Variants in MMP16 observed in about 807,000 individuals in gnomAD.
MMP16 encodes matrix metallopeptidase 16.
MMP16 carries 12 observed loss-of-function variants against 67.8 expected under a neutral mutation model. That is an observed-to-expected ratio of 0.18 (90% CI 0.11 to 0.29). The LOEUF is 0.29. Ranked by LOEUF, MMP16 falls within the 10% of genes least tolerant of loss-of-function variation. The pLI, the probability that MMP16 is intolerant of heterozygous loss-of-function variation, is 1.00. For missense variants in MMP16, 475 were observed against 765.7 expected (o/e 0.62, Z 4.48); for synonymous variants, 249 against 255.9 (o/e 0.97, Z 0.26).
At chr8:88,224,720 G>T (rs1809740778) in intron 1 of MMP16, among the ~76,000 whole-genome samples, 1 of 151,822 alleles carries the variant, frequency 6.6e-6, no homozygotes, top group African/African-American at 2.4e-5. Context: ...TTTAATGGGA[G>T]ATCTGTGGAA....
chr8:88,217,900 T>C (rs1240435480), intron 1 of MMP16, among the ~76,000 whole-genome samples: 1 of 152,096 alleles, frequency 6.6e-6, no homozygotes, highest in Non-Finnish European at 1.5e-5. Context: ...GTAATGCATA[T>C]GTCTGTGTGA....
intron 6 of MMP16, among the ~76,000 whole-genome samples, chr8:88,079,753 C>T (rs571348413): frequency 3.3e-5 from 5 of 152,078 alleles, no homozygotes; most frequent in Non-Finnish European, 7.4e-5. Flanking sequence ...GAAGGCAGAA[C>T]CCAAATAAAT....
At chr8:88,216,518 CAA>C (rs1477888932) in intron 1 of MMP16, among the ~76,000 whole-genome samples, 5 of 152,080 alleles carry the variant, frequency 3.3e-5, no homozygotes, top group African/African-American at 1.2e-4. Flanking sequence ...TTTTTCATAG[CAA>C]AAGAGTCCAT....
At chr8:88,290,403 A>G (rs1195754631) in intron 1 of MMP16, among the ~76,000 whole-genome samples, 1 of 152,068 alleles carries the variant, frequency 6.6e-6, no homozygotes, top group Non-Finnish European at 1.5e-5. Flanking sequence ...AATACAAAAA[A>G]TTAGCAGGGC....
intron 4 of MMP16, among the ~76,000 whole-genome samples, chr8:88,136,352 C>A (rs1808118774): frequency 6.6e-6 from 1 of 151,780 alleles, no homozygotes; most frequent in Admixed American, 6.6e-5. Flanking sequence ...CCATGTCTTT[C>A]TCAATTTAAT....
At chr8:88,178,022 G>C (rs1447012135) in intron 3 of MMP16, among the ~76,000 whole-genome samples, 4 of 150,582 alleles carry the variant, frequency 2.7e-5, no homozygotes, top group Non-Finnish European at 4.4e-5. Context: ...AAAAAAAAAA[G>C]AACTCTAGAA....
chr8:88,080,586 C>G (rs770956505), intron 6 of MMP16, among the ~76,000 whole-genome samples: 6 of 152,094 alleles, frequency 3.9e-5, no homozygotes, highest in Non-Finnish European at 8.8e-5. Context: ...CAGGCATCTG[C>G]CACCACGCCC....
chr8:88,087,962 CAAAA>C (rs1482610695), intron 6 of MMP16, among the ~76,000 whole-genome samples: 2 of 137,766 alleles, frequency 1.5e-5, no homozygotes, highest in Admixed American at 1.5e-4. Flanking sequence ...ACCAAACAAA[CAAAA>C]AAATGTACAT....
chr8:88,144,310 A>C (rs1401127438), intron 4 of MMP16, among the ~76,000 whole-genome samples: 2 of 152,060 alleles, frequency 1.3e-5, no homozygotes, highest in East Asian at 3.9e-4. Flanking sequence ...TGGCTATAAA[A>C]AATCAGGCAG....
At chr8:88,149,291 C>A (rs1323050879) in intron 4 of MMP16, among the ~76,000 whole-genome samples, 1 of 152,202 alleles carries the variant, frequency 6.6e-6, no homozygotes, top group South Asian at 2.1e-4. Flanking sequence ...GTGAGGGGCG[C>A]CCGCCATTGC....
intron 3 of MMP16, among the ~76,000 whole-genome samples, chr8:88,173,815 A>G (rs1320711533): frequency 6.6e-6 from 1 of 152,174 alleles, no homozygotes; most frequent in Non-Finnish European, 1.5e-5. Context: ...CCTCCAGGAA[A>G]CCTTCCTTAC....
At chr8:88,229,569 A>G (rs1206432592) in intron 1 of MMP16, among the ~76,000 whole-genome samples, 1 of 152,112 alleles carries the variant, frequency 6.6e-6, no homozygotes. Flanking sequence ...TTTTATTTGC[A>G]GAAGAACAAC....
At chr8:88,053,599 A>G (rs1256769008) in intron 8 of MMP16, among the ~76,000 whole-genome samples, 1 of 152,152 alleles carries the variant, frequency 6.6e-6, no homozygotes, top group East Asian at 1.9e-4. Flanking sequence ...AGAAGAGGGG[A>G]GAAATAATAA....
chr8:88,068,752 A>G (rs1332131500), intron 7 of MMP16, among the ~76,000 whole-genome samples: 1 of 151,912 alleles, frequency 6.6e-6, no homozygotes, highest in Non-Finnish European at 1.5e-5. Flanking sequence ...CCCAGGCTGG[A>G]GTGCAGGGAC....
At chr8:88,289,127 CAGAGACAGAGAG>C (rs1810879949) in intron 1 of MMP16, among the ~76,000 whole-genome samples, 1 of 151,378 alleles carries the variant, frequency 6.6e-6, no homozygotes, top group Non-Finnish European at 1.5e-5. Context: ...GAGACAGAGA[CAGAGACAGAGAG>C]AGAGAGAGAG....
At chr8:88,201,544 G>A (rs919161697) in intron 1 of MMP16, among the ~76,000 whole-genome samples, 1 of 151,540 alleles carries the variant, frequency 6.6e-6, no homozygotes, top group Admixed American at 6.6e-5. Context: ...TATTATTTTG[G>A]GAAACAATTT....
At chr8:88,143,144 T>A (rs1050040168) in intron 4 of MMP16, among the ~76,000 whole-genome samples, 2 of 152,100 alleles carry the variant, frequency 1.3e-5, no homozygotes, top group East Asian at 3.9e-4. Flanking sequence ...TCTCGGTAAA[T>A]TAACATCACA....
At chr8:88,156,103 TATTA>T (rs1335391276) in intron 4 of MMP16, among the ~76,000 whole-genome samples, 6 of 152,168 alleles carry the variant, frequency 3.9e-5, no homozygotes, top group Admixed American at 6.6e-5. Context: ...CACTTGATTT[TATTA>T]ATTGTTTTCT....
intron 3 of MMP16, among the ~76,000 whole-genome samples, chr8:88,174,148 A>T (rs1210228344): frequency 6.6e-6 from 1 of 152,214 alleles, no homozygotes; most frequent in Admixed American, 6.5e-5. Flanking sequence ...TTCATTTAAA[A>T]ACAAGCGGAG....
Sources: allele counts gnomAD v4.1 joint callset (sites outside exome capture counted in the v4.1 genomes callset), GRCh38; gene constraint gnomAD v4.1.1; transcripts MANE v1.5; gene names NCBI Gene and HGNC (gene_info 2026-07-23, HGNC 2026-07-21).